The following DACH1 variants were observed in gnomAD, a reference collection of about 807,000 sequenced individuals.
DACH1 encodes the protein dachshund family transcription factor 1, also known as dachshund homolog 1.
A neutral mutation model predicts 54.2 loss-of-function variants in DACH1; 12 were observed. That is an observed-to-expected ratio of 0.22 (90% CI 0.14 to 0.36). DACH1 has a LOEUF of 0.36. Among genes scored for constraint, DACH1 ranks in the 10% least tolerant of loss-of-function variants. The probability of loss-of-function intolerance (pLI) is 1.00; values close to 1 mark genes in which losing one functional copy is unlikely to be tolerated. For synonymous variants in DACH1, 386 were observed against 366.2 expected (o/e 1.05, Z -0.62); for missense variants, 805 against 929.8 (o/e 0.87, Z 1.75).
chr13:71,476,152 A>G (rs1255119587), intron 8 of DACH1, among the ~76,000 whole-genome samples: 1 of 152,196 alleles, frequency 6.6e-6, no homozygotes, highest in East Asian at 1.9e-4. Flanking sequence ...TCACTGATAA[A>G]GGAAGCTTGA....
At chr13:71,861,563 T>G (rs1207226048) in intron 1 of DACH1, among the ~76,000 whole-genome samples, 1 of 151,996 alleles carries the variant, frequency 6.6e-6, no homozygotes, top group African/African-American at 2.4e-5. Context: ...TTTAAAAACA[T>G]ACAGAAATAA....
intron 1 of DACH1, among the ~76,000 whole-genome samples, chr13:71,749,791 C>G (rs2137974794): frequency 6.6e-6 from 1 of 152,250 alleles, no homozygotes; most frequent in South Asian, 2.1e-4. Flanking sequence ...ACCGTCATCT[C>G]CAAGCTTCAC....
intron 3 of DACH1, among the ~76,000 whole-genome samples, chr13:71,589,022 T>C (rs1873495138): frequency 6.6e-6 from 1 of 152,016 alleles, no homozygotes; most frequent in Admixed American, 6.6e-5. Flanking sequence ...TGAAATGCGA[T>C]AGTGTTTATC....
chr13:71,688,953 C>A (rs1349529970), intron 1 of DACH1, among the ~76,000 whole-genome samples: 3 of 152,144 alleles, frequency 2.0e-5, no homozygotes, highest in Admixed American at 6.5e-5. Flanking sequence ...GGCAAGTTAT[C>A]AGAGTTTTCA....
intron 6 of DACH1, among the ~76,000 whole-genome samples, chr13:71,495,280 T>G (rs974577309): frequency 3.3e-5 from 5 of 152,122 alleles, no homozygotes; most frequent in African/African-American, 1.2e-4. Flanking sequence ...GAAAACTCTC[T>G]ATTTCTATAC....
intron 1 of DACH1, among the ~76,000 whole-genome samples, chr13:71,844,303 A>T (rs1197781113): frequency 6.6e-6 from 1 of 152,170 alleles, no homozygotes; most frequent in Non-Finnish European, 1.5e-5. Context: ...TAGTACAGGT[A>T]ATCCTGGACA....
At chr13:71,672,400 G>A in intron 2 of DACH1, among the ~76,000 whole-genome samples, 1 of 152,082 alleles carries the variant, frequency 6.6e-6, no homozygotes, top group Non-Finnish European at 1.5e-5. Context: ...TGTTGTTCCT[G>A]CCAACCCTTT....
chr13:71,742,052 G>T (rs1884411055), intron 1 of DACH1, among the ~76,000 whole-genome samples: 1 of 152,108 alleles, frequency 6.6e-6, no homozygotes, highest in African/African-American at 2.4e-5. Context: ...TCTTTCCCCT[G>T]CTATTCTTAA....
At chr13:71,688,521 G>A (rs536533094) in intron 1 of DACH1, among the ~76,000 whole-genome samples, 5 of 152,130 alleles carry the variant, frequency 3.3e-5, no homozygotes, top group Middle Eastern at 3.4e-3. Context: ...TCATTCTCAC[G>A]TTCCACATTT....
At chr13:71,445,046 T>C (rs1206691745) in intron 10 of DACH1, among the ~76,000 whole-genome samples, 1 of 152,104 alleles carries the variant, frequency 6.6e-6, no homozygotes, top group Admixed American at 6.5e-5. Context: ...TTATCTCACT[T>C]TGAAGTCATA....
At chr13:71,777,618 C>G (rs756251403) in intron 1 of DACH1, among the ~76,000 whole-genome samples, 5 of 152,044 alleles carry the variant, frequency 3.3e-5, no homozygotes, top group Non-Finnish European at 7.4e-5. Flanking sequence ...TTTTAAAACA[C>G]AAAAAAACTA....
chr13:71,754,001 A>G (rs538620251), intron 1 of DACH1, among the ~76,000 whole-genome samples: 1 of 152,300 alleles, frequency 6.6e-6, no homozygotes, highest in South Asian at 2.1e-4. Context: ...AACATACTAA[A>G]TCAGAAGCAG....
chr13:71,782,040 T>C (rs898535022), intron 1 of DACH1, among the ~76,000 whole-genome samples: 2 of 152,210 alleles, frequency 1.3e-5, no homozygotes, highest in African/African-American at 4.8e-5. Context: ...AAGCTGTAAC[T>C]ATCTCATCAT....
intron 1 of DACH1, among the ~76,000 whole-genome samples, chr13:71,793,476 G>T (rs1886914622): frequency 6.6e-6 from 1 of 152,180 alleles, no homozygotes; most frequent in South Asian, 2.1e-4. Context: ...CAAAAGGGAA[G>T]TAAGTATGTG....
intron 1 of DACH1, among the ~76,000 whole-genome samples, chr13:71,727,958 C>T (rs982390378): frequency 5.9e-5 from 9 of 151,966 alleles, no homozygotes; most frequent in Non-Finnish European, 7.4e-5. Context: ...AGTAACAGTC[C>T]TTTCTAGACC....
intron 1 of DACH1, among the ~76,000 whole-genome samples, chr13:71,727,831 C>T (rs1483329769): frequency 1.3e-5 from 2 of 152,026 alleles, no homozygotes; most frequent in Non-Finnish European, 2.9e-5. Context: ...TTTTGCAGTT[C>T]TAAGCAAAGT....
At chr13:71,650,048 A>C (rs534177112) in intron 2 of DACH1, among the ~76,000 whole-genome samples, 36 of 152,294 alleles carry the variant, frequency 2.4e-4, no homozygotes, top group Middle Eastern at 3.4e-3. Context: ...GATACACACA[A>C]AGTCTCTTTA....
At chr13:71,825,118 A>G (rs1196165165) in intron 1 of DACH1, among the ~76,000 whole-genome samples, 2 of 152,082 alleles carry the variant, frequency 1.3e-5, no homozygotes, top group African/African-American at 2.4e-5. Flanking sequence ...AACATATTTC[A>G]AACGAAATAA....
intron 1 of DACH1, among the ~76,000 whole-genome samples, chr13:71,789,712 T>G (rs956834385): frequency 4.6e-5 from 7 of 152,158 alleles, no homozygotes; most frequent in Admixed American, 1.3e-4. Flanking sequence ...GAGTGATTGT[T>G]GTGCAATAAA....
Sources: allele counts gnomAD v4.1 joint callset (sites outside exome capture counted in the v4.1 genomes callset), GRCh38; gene constraint gnomAD v4.1.1; transcripts MANE v1.5; gene names NCBI Gene and HGNC (gene_info 2026-07-23, HGNC 2026-07-21).